Variants in PBRM1 observed in about 807,000 individuals in gnomAD.
PBRM1 encodes polybromo 1.
PBRM1 carries 27 observed loss-of-function variants against 194.5 expected under a neutral mutation model. The ratio of observed to expected loss-of-function variants is 0.14; its 90% CI spans 0.10 to 0.19. The LOEUF (loss-of-function observed/expected upper bound fraction) is 0.19. Ranked by LOEUF, PBRM1 falls within the 10% of genes least tolerant of loss-of-function variation. The pLI is 1.00. For missense variants in PBRM1, 1,466 were observed against 2,077.2 expected (o/e 0.71, Z 5.72); for synonymous variants, 655 against 693.2 (o/e 0.94, Z 0.87).
chr3:52,623,261 T>C (rs1171121333), intron 13 of PBRM1, among the ~76,000 whole-genome samples: 1 of 152,200 alleles, frequency 6.6e-6, no homozygotes, highest in Non-Finnish European at 1.5e-5. Context: ...GAATAGCCAC[T>C]GCACTCCAGT....
intron 10 of PBRM1, among the ~76,000 whole-genome samples, chr3:52,635,167 T>C (rs181004177): frequency 6.6e-6 from 1 of 152,194 alleles, no homozygotes; most frequent in Non-Finnish European, 1.5e-5. Context: ...GCTTAGGCAA[T>C]CTGCCAGCCT....
chr3:52,576,557 G>A (rs1218307426), exon 22 of PBRM1: 1 of 1,600,344 alleles, frequency 6.2e-7, no homozygotes, highest in Non-Finnish European at 8.5e-7. Context: ...TACATGTCAT[G>A]GGGCAGGTTT....
intron 22 of PBRM1, among the ~76,000 whole-genome samples, chr3:52,569,878 A>C (rs886658674): frequency 1.3e-5 from 2 of 152,068 alleles, no homozygotes; most frequent in East Asian, 3.8e-4. Flanking sequence ...TACTTTTCTT[A>C]TTTTAGACTT....
chr3:52,644,870 CTTCT>C, intron 7 of PBRM1, 81 bp from the exon 9 acceptor site: 1 of 609,538 alleles, frequency 1.6e-6, no homozygotes, highest in Non-Finnish European at 2.9e-6. Context: ...CAATGGGCAC[CTTCT>C]ATGGCACTCT....
chr3:52,579,159 G>A (rs2153686738), exon 21 of PBRM1: 2 of 1,613,792 alleles, frequency 1.2e-6, no homozygotes, highest in Non-Finnish European at 1.7e-6. Flanking sequence ...GTGGCAACCT[G>A]GTTCACCATT....
intron 22 of PBRM1, among the ~76,000 whole-genome samples, chr3:52,565,944 T>TGG (rs1272033975): frequency 1.5e-4 from 22 of 151,526 alleles, no homozygotes; most frequent in African/African-American, 5.1e-4. Context: ...CAGCTAGTCA[T>TGG]GAGGCTGAGG....
intron 2 of PBRM1, among the ~76,000 whole-genome samples, chr3:52,674,132 AAC>A (rs1302288951): frequency 6.6e-6 from 1 of 151,834 alleles, no homozygotes; most frequent in Admixed American, 6.6e-5. Context: ...TTAAAAATTA[AAC>A]AGTTGGTTTT....
At chr3:52,619,483 G>C (rs2095159938) in intron 13 of PBRM1, among the ~76,000 whole-genome samples, 1 of 152,216 alleles carries the variant, frequency 6.6e-6, no homozygotes, top group South Asian at 2.1e-4. Context: ...TACATGTACA[G>C]TAAAGATGCA....
At chr3:52,566,628 G>C (rs930245390) in intron 22 of PBRM1, among the ~76,000 whole-genome samples, 12 of 152,150 alleles carry the variant, frequency 7.9e-5, no homozygotes, top group African/African-American at 2.9e-4. Flanking sequence ...AACAAAAAAA[G>C]TAGAACAGTG....
chr3:52,622,687 C>T lies in PBRM1; in HGVS notation c.1541+4586G>A, dbSNP rs528318097. On this transcript the variant is annotated intron_variant, in intron 13 of 29. Transcript: ENST00000296302. ...CACCTAAATCAGTCACTTTTTCTCC[C>T]CCTGGCTGATCAGCAAGTTCTAGAA... Among the ~76,000 whole-genome samples the T allele has an allele frequency of 7.9e-4, 121 of 152,240 alleles. 1 individual carries two copies. Among genetic ancestry groups the T allele is most frequent in the Admixed American group, 1.8e-3 (28 of 15,290 alleles).
At chr3:52,587,590 T>TTA in intron 18 of PBRM1, 80 bp from the exon 21 acceptor site, 5 of 971,894 alleles carry the variant, frequency 5.1e-6, no homozygotes, top group Non-Finnish European at 7.4e-6. Flanking sequence ...TTTTTTTTTT[T>TTA]AAAGAGACTG....
chr3:52,612,326 A>G (rs2094680380), intron 15 of PBRM1, among the ~76,000 whole-genome samples: 2 of 149,894 alleles, frequency 1.3e-5, no homozygotes, highest in South Asian at 2.1e-4. Context: ...TCTGGATTCT[A>G]CTTTAACCAG....
intron 13 of PBRM1, among the ~76,000 whole-genome samples, chr3:52,619,042 C>T (rs2095134599): frequency 6.6e-6 from 1 of 152,128 alleles, no homozygotes; most frequent in Non-Finnish European, 1.5e-5. Context: ...AGCCATCGGG[C>T]TCGGCTGTGC....
Position 52,609,436 on chromosome 3 carries a change from G to A in PBRM1, c.2444C>T (p.Pro815Leu), listed in dbSNP as rs1283107190. The stretch of plus-strand genomic sequence containing the variant: ...GTCAAATGTAAGGGGTGGTTTGTTA[G>A]GAAAGTTGGGATCCACAGCAGGAAT... Residue 815 changes from proline (P) to leucine (L), a missense_variant, in exon 16 of 30, where the codon CCT becomes CTT. By Grantham distance (98) the Pro-to-Leu change is moderately conservative. Coordinates refer to ENST00000296302, the Ensembl canonical transcript of PBRM1. This position sits in a 1 kb window ranked among gnomAD's most constrained non-coding sequence, Gnocchi z 4.1. The A allele has an allele frequency of 3.7e-6, 6 of 1,614,072 alleles. No homozygotes were observed. The highest frequency in any genetic ancestry group is 5.1e-6 in the Non-Finnish European group (6 of 1,179,958).
chr3:52,684,184 AAAAAAAAAAAAT>A, upstream of PBRM1, among the ~76,000 whole-genome samples: 1 of 150,846 alleles, frequency 6.6e-6, no homozygotes. Context: ...AAAAAAAAAA[AAAAAAAAAAAAT>A]GCCTGTAAGC....
intron 2 of PBRM1, among the ~76,000 whole-genome samples, chr3:52,672,133 A>G (rs1019478515): frequency 6.6e-6 from 1 of 152,180 alleles, no homozygotes; most frequent in African/African-American, 2.4e-5. Context: ...CTAGCGAAAA[A>G]GGTTTCCTTG....
chr3:52,599,062 T>C (rs1488856729), intron 17 of PBRM1, among the ~76,000 whole-genome samples: 1 of 149,724 alleles, frequency 6.7e-6, no homozygotes, highest in African/African-American at 2.5e-5. Flanking sequence ...GTGTGGCACA[T>C]GCCTCTAGTC....
intron 2 of PBRM1, among the ~76,000 whole-genome samples, chr3:52,671,128 CA>C (rs1430936770): frequency 1.3e-5 from 2 of 152,218 alleles, no homozygotes; most frequent in African/African-American, 4.8e-5. Flanking sequence ...AGGACTTTTA[CA>C]CAAGAGAAAT....
chr3:52,666,930 G>T (rs902633185), intron 3 of PBRM1, among the ~76,000 whole-genome samples: 2 of 151,028 alleles, frequency 1.3e-5, no homozygotes, highest in Non-Finnish European at 3.0e-5. Flanking sequence ...AAGTAATTAA[G>T]ATAGAAATAG....
Sources: gnomAD v4.1 joint callset for allele counts (sites outside exome capture counted in the v4.1 genomes callset) on GRCh38, gnomAD v4.1.1 for gene constraint, Gnocchi (gnomAD v3.1) non-coding constraint, MANE v1.5 for transcripts, NCBI Gene and HGNC (gene_info 2026-07-23, HGNC 2026-07-21) for gene names.